Variants in RGL1 observed in about 807,000 individuals in gnomAD.
The protein encoded by RGL1 is ral guanine nucleotide dissociation stimulator like 1.
Under a neutral mutation model 95.2 loss-of-function variants are expected in RGL1, and 24 were observed. That is an observed-to-expected ratio of 0.25 (90% confidence interval 0.18 to 0.35). RGL1 has a LOEUF of 0.35. RGL1 is among the 10% of genes least tolerant of loss of function. The pLI, the probability that RGL1 is intolerant of heterozygous loss-of-function variation, is 1.00. For missense variants in RGL1, 715 were observed against 936.3 expected (o/e 0.76, Z 3.08); for synonymous variants, 329 against 344.9 (o/e 0.95, Z 0.51).
Position 183,927,504 on chromosome 1 carries a change from G to A in RGL1, c.*1212G>A, listed in dbSNP as rs1247359412. ...AGAGATGGGGCTGTATAGATTATCTGAATCATTTGTCTAAGAGGTACATTC... is the reference window on the plus strand; with the variant it reads ...AGAGATGGGGCTGTATAGATTATCTAAATCATTTGTCTAAGAGGTACATTC... On this transcript the variant is annotated 3_prime_UTR_variant, in exon 18 of 18. Coordinates refer to ENST00000360851, the MANE Select transcript of RGL1 (RefSeq NM_001297671.3). 6.6e-6 allele frequency: 1 copy of A among 152,226 alleles called. No individual in the cohort carries two copies. The highest frequency in any genetic ancestry group is 1.9e-4 in the East Asian group (1 of 5,168). The allele number at this position is 152,226 out of a possible 1,614,324, so 9.4% of individuals were successfully genotyped here. A position where few individuals can be genotyped will look rare whatever the true frequency, so the allele number is the denominator to read the frequency against.
rs1459154953 is a variant in RGL1, at chr1:183,692,667, C to A, written c.-32-49459C>A. The stretch of plus-strand genomic sequence containing the variant: ...TTAAAACAATTATAGTAACAAGATG[C>A]TTAACTCTCACTCTATAAACAATAG... On this transcript the variant is annotated intron_variant, in intron 1 of 18. Coordinates refer to the RGL1 transcript ENST00000304685. Among the ~76,000 whole-genome samples the A allele has an allele frequency of 2.6e-5, 4 of 152,146 alleles. No homozygotes were observed. The East Asian group carries it at 7.7e-4, about 29-fold the overall frequency.
chr1:183,805,971 CTTTTTTTTTTTTTTTTTTTTTTTTTTTT>C (rs751229707), intron 1 of RGL1, among the ~76,000 whole-genome samples: 3 of 74,678 alleles, frequency 4.0e-5, no homozygotes, highest in African/African-American at 1.5e-4. Flanking sequence ...CTTTTCTTTT[CTTTTTTTTTTTTTTTTTTTTTTTTTTTT>C]TTTTTTTTTT....
intron 16 of RGL1, 55 bp from the exon 17 acceptor site, chr1:183,922,167 T>G: frequency 7.1e-7 from 1 of 1,412,150 alleles, no homozygotes; most frequent in Non-Finnish European, 1.0e-6. Flanking sequence ...TCAGGAGAAC[T>G]CCCTCAGGAA....
chr1:183,832,514 A>G (rs530491817), intron 2 of RGL1, among the ~76,000 whole-genome samples: 39 of 152,346 alleles, frequency 2.6e-4, no homozygotes, highest in African/African-American at 9.1e-4. Context: ...CAGAAAGAGT[A>G]TAGAAAAAGA....
chr1:183,918,685 T>C (rs1213507639), intron 16 of RGL1, among the ~76,000 whole-genome samples: 4 of 152,124 alleles, frequency 2.6e-5, no homozygotes, highest in Non-Finnish European at 5.9e-5. Flanking sequence ...TGCTCTGAGA[T>C]TCCTCCTTCC....
At chr1:183,670,217 C>A (rs1383240162) in intron 1 of RGL1, among the ~76,000 whole-genome samples, 1 of 152,180 alleles carries the variant, frequency 6.6e-6, no homozygotes, top group Admixed American at 6.5e-5. Flanking sequence ...TTGGGTATTT[C>A]TTTTCTTCCA....
At chr1:183,860,773 C>T (rs1477096627) in intron 3 of RGL1, among the ~76,000 whole-genome samples, 1 of 152,208 alleles carries the variant, frequency 6.6e-6, no homozygotes, top group African/African-American at 2.4e-5. Context: ...CTCCTCCGCA[C>T]TACCATGTAT....
At chr1:183,783,024 T>C (rs1659982646) in intron 2 of RGL1, among the ~76,000 whole-genome samples, 1 of 152,172 alleles carries the variant, frequency 6.6e-6, no homozygotes, top group East Asian at 1.9e-4. Context: ...TAACTGAATT[T>C]CTAAAAGATA....
intron 8 of RGL1, among the ~76,000 whole-genome samples, chr1:183,888,992 A>G (rs1460718429): frequency 6.6e-6 from 1 of 152,182 alleles, no homozygotes. Context: ...TCAGTAGGAA[A>G]CTATTTAGTT....
At chr1:183,735,733 T>C (rs1656900014) in intron 1 of RGL1, among the ~76,000 whole-genome samples, 1 of 152,178 alleles carries the variant, frequency 6.6e-6, no homozygotes. Context: ...GCTTCCTTTC[T>C]CAGGGCAGTA....
intron 2 of RGL1, among the ~76,000 whole-genome samples, chr1:183,819,282 A>T (rs1246711049): frequency 6.6e-6 from 1 of 152,190 alleles, no homozygotes. Flanking sequence ...CATAATGATG[A>T]GGCCTGTTAC....
chr1:183,807,434 C>T (rs1661421235), intron 2 of RGL1, among the ~76,000 whole-genome samples: 1 of 152,214 alleles, frequency 6.6e-6, no homozygotes, highest in African/African-American at 2.4e-5. Context: ...TCTTTAGCGG[C>T]TTGGAGTCTC....
intron 2 of RGL1, among the ~76,000 whole-genome samples, chr1:183,825,913 A>G (rs894274203): frequency 6.6e-6 from 1 of 152,126 alleles, no homozygotes; most frequent in African/African-American, 2.4e-5. Context: ...CTGTAATCCT[A>G]GCACTTTGGG....
chr1:183,704,272 G>C (rs1025474367), intron 1 of RGL1, among the ~76,000 whole-genome samples: 2 of 152,210 alleles, frequency 1.3e-5, no homozygotes, highest in African/African-American at 4.8e-5. Context: ...TGTATGACAG[G>C]AGTGTTTTTT....
intron 2 of RGL1, among the ~76,000 whole-genome samples, chr1:183,789,170 A>G (rs1660324327): frequency 6.6e-6 from 1 of 152,212 alleles, no homozygotes; most frequent in East Asian, 1.9e-4. Context: ...CCAGCTGGGC[A>G]TGGTGGCTCA....
At chr1:183,807,920 G>A (rs941058089) in intron 2 of RGL1, among the ~76,000 whole-genome samples, 9 of 152,196 alleles carry the variant, frequency 5.9e-5, no homozygotes, top group Non-Finnish European at 1.0e-4. Flanking sequence ...GTGGTTGTGT[G>A]TATGTATTTT....
intron 1 of RGL1, among the ~76,000 whole-genome samples, chr1:183,687,090 T>C (rs1226097135): frequency 6.6e-6 from 1 of 152,228 alleles, no homozygotes; most frequent in East Asian, 1.9e-4. Flanking sequence ...CATAATCACA[T>C]CCCAATTGGT....
chr1:183,885,147 T>A (rs909505163), intron 7 of RGL1, among the ~76,000 whole-genome samples: 1 of 152,204 alleles, frequency 6.6e-6, no homozygotes, highest in Non-Finnish European at 1.5e-5. Flanking sequence ...TTTTAAAAAA[T>A]TGGACCCCTG....
intron 14 of RGL1, 123 bp from the exon 15 acceptor site, chr1:183,911,959 T>C: frequency 1.3e-6 from 1 of 792,658 alleles, no homozygotes; most frequent in Non-Finnish European, 2.0e-6. Flanking sequence ...CCTCCTAAAA[T>C]AATAATGACA....
Sources: gnomAD v4.1 joint callset for allele counts (sites outside exome capture counted in the v4.1 genomes callset) on GRCh38, gnomAD v4.1.1 for gene constraint, MANE v1.5 for transcripts, NCBI Gene and HGNC (gene_info 2026-07-23, HGNC 2026-07-21) for gene names.